Variants in SYT9 observed in about 807,000 individuals in gnomAD.
SYT9 encodes the protein synaptotagmin-9.
SYT9 carries 22 observed loss-of-function variants against 48.4 expected under a neutral mutation model. The observed-to-expected ratio is 0.45, with a 90% CI of 0.32 to 0.65. SYT9 has a LOEUF of 0.65. Among genes scored for constraint, SYT9 ranks in the 30% least tolerant of loss-of-function variants. SYT9 has a pLI of 0.03. For synonymous variants in SYT9, 265 were observed against 245.0 expected (o/e 1.08, Z -0.76); for missense variants, 577 against 622.0 (o/e 0.93, Z 0.77).
intron 6 of SYT9, among the ~76,000 whole-genome samples, chr11:7,445,241 C>G (rs781143630): frequency 4.6e-5 from 7 of 152,116 alleles, no homozygotes; most frequent in Admixed American, 2.0e-4. Context: ...TGATATTATT[C>G]AACATACATG....
At chr11:7,396,000 C>T in intron 3 of SYT9, among the ~76,000 whole-genome samples, 1 of 151,992 alleles carries the variant, frequency 6.6e-6, no homozygotes, top group East Asian at 1.9e-4. Flanking sequence ...TTGGAACTTT[C>T]TTAAGCATCT....
intron 1 of SYT9, among the ~76,000 whole-genome samples, chr11:7,260,055 C>A (rs1487868): frequency 6.6e-6 from 1 of 151,886 alleles, no homozygotes. Context: ...TACTTAACCA[C>A]GTTGAATTGA....
intron 1 of SYT9, chr11:7,238,956 C>G (rs1024602430): frequency 8.8e-6 from 4 of 455,680 alleles, no homozygotes; most frequent in East Asian, 7.0e-5. Context: ...CATCTCTGTC[C>G]CTGTGGATGG....
At chr11:7,315,416 G>A (rs1849225467) in intron 3 of SYT9, among the ~76,000 whole-genome samples, 1 of 152,218 alleles carries the variant, frequency 6.6e-6, no homozygotes. Context: ...TATTTACTAA[G>A]TCTCCCTGGT....
chr11:7,374,173 T>C (rs2134035131), intron 3 of SYT9, among the ~76,000 whole-genome samples: 1 of 152,264 alleles, frequency 6.6e-6, no homozygotes, highest in South Asian at 2.1e-4. Flanking sequence ...TATGCCGTGT[T>C]TGGTTTTCTG....
chr11:7,459,209 C>G (rs1047494771), intron 6 of SYT9, among the ~76,000 whole-genome samples: 1 of 152,208 alleles, frequency 6.6e-6, no homozygotes, highest in African/African-American at 2.4e-5. Flanking sequence ...GTGGGATGAT[C>G]AGGAGTTAGA....
intron 3 of SYT9, among the ~76,000 whole-genome samples, chr11:7,332,539 C>T (rs1220103493): frequency 6.6e-6 from 1 of 152,170 alleles, no homozygotes; most frequent in African/African-American, 2.4e-5. Context: ...CCCATGACCT[C>T]TGAGATATAG....
intron 3 of SYT9, among the ~76,000 whole-genome samples, chr11:7,415,209 C>G (rs1847218434): frequency 6.6e-6 from 1 of 152,184 alleles, no homozygotes; most frequent in South Asian, 2.1e-4. Context: ...GGTCTCTGTT[C>G]TCTCCCTGCA....
intron 2 of SYT9, among the ~76,000 whole-genome samples, chr11:7,309,270 C>A (rs1353087492): frequency 2.0e-5 from 3 of 152,272 alleles, no homozygotes; most frequent in East Asian, 1.9e-4. Context: ...TCTACGACAG[C>A]ATTAGGGTGT....
chr11:7,428,091 T>C (rs1025903338), intron 6 of SYT9: 2 of 152,246 alleles, frequency 1.3e-5, no homozygotes, highest in African/African-American at 4.8e-5. Context: ...CTCATCTTTG[T>C]CAGGGATGGG....
intron 1 of SYT9, among the ~76,000 whole-genome samples, chr11:7,299,947 G>A (rs1243931356): frequency 2.0e-5 from 3 of 152,148 alleles, no homozygotes; most frequent in African/African-American, 7.2e-5. Context: ...CTAAGCTGAT[G>A]AGTTCAGAGG....
chr11:7,386,925 T>G (rs1392434618), intron 3 of SYT9, among the ~76,000 whole-genome samples: 3 of 152,108 alleles, frequency 2.0e-5, no homozygotes, highest in African/African-American at 4.8e-5. Flanking sequence ...TAGACTGGAT[T>G]AAGAAAATGT....
upstream of SYT9, among the ~76,000 whole-genome samples, chr11:7,247,553 GTATATACACA>G (rs1246453925): frequency 2.4e-3 from 327 of 134,796 alleles, 1 homozygote; most frequent in African/African-American, 8.7e-3. Flanking sequence ...ACGTATACAT[GTATATACACA>G]TATATACACA....
At chr11:7,259,805 G>C in intron 1 of SYT9, among the ~76,000 whole-genome samples, 1 of 151,956 alleles carries the variant, frequency 6.6e-6, no homozygotes, top group Non-Finnish European at 1.5e-5. Context: ...GCTCACAGAA[G>C]GAATATTGTA....
intron 3 of SYT9, among the ~76,000 whole-genome samples, chr11:7,356,313 T>C (rs1850019065): frequency 6.6e-6 from 1 of 152,232 alleles, no homozygotes; most frequent in Admixed American, 6.5e-5. Flanking sequence ...TTCTTTGAAA[T>C]GCGGACATTC....
intron 6 of SYT9, among the ~76,000 whole-genome samples, chr11:7,436,616 G>GT (rs1564903442): frequency 6.6e-6 from 1 of 150,742 alleles, no homozygotes; most frequent in Non-Finnish European, 1.5e-5. Context: ...TGTCCAGTTG[G>GT]TTTTTTTGTT....
intron 6 of SYT9, among the ~76,000 whole-genome samples, chr11:7,430,619 T>C (rs917424621): frequency 3.3e-5 from 5 of 152,170 alleles, no homozygotes; most frequent in African/African-American, 1.2e-4. Flanking sequence ...ATCCCCAATG[T>C]TGGAGGTGGG....
intron 3 of SYT9, among the ~76,000 whole-genome samples, chr11:7,374,070 C>G (rs979405966): frequency 3.9e-5 from 6 of 152,176 alleles, no homozygotes; most frequent in South Asian, 2.1e-4. Flanking sequence ...TATCCCTCCC[C>G]TTGCTCCACA....
At chr11:7,326,500 C>G (rs1007884106) in intron 3 of SYT9, among the ~76,000 whole-genome samples, 9 of 150,380 alleles carry the variant, frequency 6.0e-5, no homozygotes, top group African/African-American at 9.8e-5. Context: ...TGATTCTTCT[C>G]TCTTTTTTTC....
Sources: allele counts gnomAD v4.1 joint callset (sites outside exome capture counted in the v4.1 genomes callset), GRCh38; gene constraint gnomAD v4.1.1; transcripts MANE v1.5; gene names NCBI Gene and HGNC (gene_info 2026-07-23, HGNC 2026-07-21).